SLMAP: variants seen among roughly 807,000 people sequenced by gnomAD.
The protein encoded by SLMAP is sarcolemma associated protein, also known as sarcolemmal membrane-associated protein.
SLMAP carries 44 observed loss-of-function variants against 128.8 expected under a neutral mutation model. The observed-to-expected ratio is 0.34, with a 90% CI of 0.27 to 0.44. The LOEUF (loss-of-function observed/expected upper bound fraction) is 0.44. SLMAP is among the 20% of genes least tolerant of loss of function. The pLI is 1.00. For synonymous variants in SLMAP, 327 were observed against 348.8 expected, an observed-to-expected ratio of 0.94 and a Z score of 0.70; for missense variants, 787 against 985.3, an observed-to-expected ratio of 0.80 and a Z score of 2.69.
intron 2 of SLMAP, among the ~76,000 whole-genome samples, chr3:57,814,002 A>G (rs1487483653): frequency 5.9e-5 from 9 of 151,762 alleles, no homozygotes; most frequent in Non-Finnish European, 1.0e-4. Flanking sequence ...ATAGGAAGGT[A>G]TAATGGGAAG....
At chr3:57,905,386 A>T (rs936193293) in intron 17 of SLMAP, among the ~76,000 whole-genome samples, 1 of 151,896 alleles carries the variant, frequency 6.6e-6, no homozygotes, top group Non-Finnish European at 1.5e-5. Context: ...GGTTCAAGCG[A>T]TTCTCCTGCC....
chr3:57,893,329 C>T (rs1002511964), intron 15 of SLMAP, among the ~76,000 whole-genome samples: 7 of 151,566 alleles, frequency 4.6e-5, no homozygotes, highest in Non-Finnish European at 7.4e-5. Context: ...AGCTAATCAG[C>T]ACGCTTAGGT....
At chr3:57,812,654 GTAT>G (rs1171785384) in intron 2 of SLMAP, among the ~76,000 whole-genome samples, 3 of 152,184 alleles carry the variant, frequency 2.0e-5, no homozygotes, top group African/African-American at 7.2e-5. Context: ...ATTGCTTTGG[GTAT>G]TATTGGCATC....
At chr3:57,832,283 C>T (rs1434315922) in intron 3 of SLMAP, among the ~76,000 whole-genome samples, 1 of 152,050 alleles carries the variant, frequency 6.6e-6, no homozygotes, top group Non-Finnish European at 1.5e-5. Flanking sequence ...TACATTGTTA[C>T]CCCAAACAAA....
At chr3:57,911,171 C>G (rs2096685195) in intron 19 of SLMAP, among the ~76,000 whole-genome samples, 1 of 152,056 alleles carries the variant, frequency 6.6e-6, no homozygotes, top group South Asian at 2.1e-4. Flanking sequence ...ACCTGTCTTG[C>G]CCAGGCATTA....
chr3:57,806,055 TTTTAC>T (rs1351894455), intron 2 of SLMAP, among the ~76,000 whole-genome samples: 4 of 151,400 alleles, frequency 2.6e-5, no homozygotes, highest in African/African-American at 9.7e-5. Flanking sequence ...TTTTTGTAAA[TTTTAC>T]TTTAAGTTCT....
intron 2 of SLMAP, among the ~76,000 whole-genome samples, chr3:57,785,619 A>G (rs964677355): frequency 1.3e-5 from 2 of 152,206 alleles, no homozygotes; most frequent in Admixed American, 1.3e-4. Flanking sequence ...GTAAATACAG[A>G]TCTGTGAGGA....
At chr3:57,790,786 T>G (rs935824842) in intron 2 of SLMAP, among the ~76,000 whole-genome samples, 2 of 152,198 alleles carry the variant, frequency 1.3e-5, no homozygotes, top group African/African-American at 2.4e-5. Context: ...AGAAATTAAG[T>G]CGTTATTTTT....
At chr3:57,864,904 A>C (rs754570435) in intron 12 of SLMAP, 47 bp downstream of exon 12, 2 of 1,441,610 alleles carry the variant, frequency 1.4e-6, no homozygotes, top group Admixed American at 2.3e-5. Context: ...TTTATCCTTA[A>C]ACTTTTGACC....
At chr3:57,901,522 A>T (rs1413741890) in intron 17 of SLMAP, 1 of 152,188 alleles carries the variant, frequency 6.6e-6, no homozygotes, top group Non-Finnish European at 1.5e-5. Context: ...GAAAAACTAA[A>T]CCTAAATCTG....
intron 6 of SLMAP, among the ~76,000 whole-genome samples, chr3:57,850,876 A>G (rs1388772374): frequency 6.6e-6 from 1 of 152,044 alleles, no homozygotes; most frequent in Non-Finnish European, 1.5e-5. Context: ...CTCAGGCAAT[A>G]CACCCACTTC....
chr3:57,869,693 A>G (rs1176602183), intron 13 of SLMAP, among the ~76,000 whole-genome samples: 2 of 140,740 alleles, frequency 1.4e-5, no homozygotes, highest in Non-Finnish European at 3.1e-5. Context: ...CTAATGATCT[A>G]TTTTGCCTAC....
intron 3 of SLMAP, among the ~76,000 whole-genome samples, chr3:57,838,943 G>C (rs947542143): frequency 4.6e-5 from 7 of 152,082 alleles, no homozygotes; most frequent in African/African-American, 1.7e-4. Flanking sequence ...CCAATAGATG[G>C]TTCTGTTTTT....
chr3:57,910,045 G>C (rs780218858), intron 19 of SLMAP, among the ~76,000 whole-genome samples: 2 of 152,068 alleles, frequency 1.3e-5, no homozygotes, highest in African/African-American at 2.4e-5. Context: ...TATGTCGTGA[G>C]TTCCTACAGA....
chr3:57,871,629 T>G lies in SLMAP; in HGVS notation c.1238-7T>G. 1 of 1,610,790 alleles carries G rather than the reference T, an allele frequency of 6.2e-7. No homozygotes were observed. The highest frequency in any genetic ancestry group is 1.7e-4 in the Middle Eastern group (1 of 5,966). The stretch of plus-strand genomic sequence containing the variant: ...TATATCCTTAAAGGTGTTTCTTTCT[T>G]TATTAGAGCACTTGCTTTCAAAGAG... On this transcript the variant is annotated splice_region_variant and splice_polypyrimidine_tract_variant and intron_variant, in intron 13 of 24. Coordinates refer to ENST00000671191, the MANE Select transcript of SLMAP (RefSeq NM_001377540.1).
chr3:57,895,163 G>A (rs550729855), intron 15 of SLMAP, among the ~76,000 whole-genome samples: 147 of 151,718 alleles, frequency 9.7e-4, no homozygotes, highest in African/African-American at 3.5e-3. Context: ...ATGTACAGAT[G>A]TGCCATTACA....
chr3:57,849,477 G>C (rs928049629), intron 5 of SLMAP, among the ~76,000 whole-genome samples: 3 of 152,088 alleles, frequency 2.0e-5, no homozygotes, highest in African/African-American at 4.8e-5. Context: ...AATGAATGAG[G>C]CTTGTTAAAA....
chr3:57,767,608 T>A (rs935567351), intron 2 of SLMAP, among the ~76,000 whole-genome samples: 3 of 152,220 alleles, frequency 2.0e-5, no homozygotes, highest in African/African-American at 4.8e-5. Context: ...TTTAAAAGGT[T>A]TTAGAATAAT....
intron 2 of SLMAP, among the ~76,000 whole-genome samples, chr3:57,812,803 T>TA (rs2091219905): frequency 6.6e-6 from 1 of 152,056 alleles, no homozygotes; most frequent in South Asian, 2.1e-4. Context: ...GTTAATTCAT[T>TA]AAAAATTTTT....
Sources: allele counts gnomAD v4.1 joint callset (sites outside exome capture counted in the v4.1 genomes callset), GRCh38; gene constraint gnomAD v4.1.1; transcripts MANE v1.5; gene names NCBI Gene and HGNC (gene_info 2026-07-23, HGNC 2026-07-21).